Variants in CSMD1 observed in about 807,000 individuals in gnomAD.
CSMD1 encodes CUB and sushi domain-containing protein 1.
Under a neutral mutation model 417.5 loss-of-function variants are expected in CSMD1, and 213 were observed. The observed-to-expected ratio is 0.51, with a 90% CI of 0.46 to 0.57. The LOEUF (loss-of-function observed/expected upper bound fraction) is 0.57. CSMD1 is among the 20% of genes least tolerant of loss of function. CSMD1 has a pLI of 0.00. For missense variants in CSMD1, 6,923 were observed against 4,529.7 expected (o/e 1.53, Z -15.17); for synonymous variants, 2,862 against 1,736.8 (o/e 1.65, Z -16.11).
intron 2 of CSMD1, among the ~76,000 whole-genome samples, chr8:4,502,235 A>C (rs187464329): frequency 6.6e-6 from 1 of 152,298 alleles, no homozygotes; most frequent in African/African-American, 2.4e-5. Flanking sequence ...AGCAGAACGT[A>C]GAACTAGAAA....
chr8:3,742,770 A>C (rs771835369), intron 6 of CSMD1, among the ~76,000 whole-genome samples: 33 of 152,220 alleles, frequency 2.2e-4, no homozygotes, highest in Non-Finnish European at 3.5e-4. Context: ...GAAACGAAAC[A>C]AAAACACCAA....
chr8:3,637,787 G>T (rs1171531585), intron 7 of CSMD1, among the ~76,000 whole-genome samples: 2 of 152,136 alleles, frequency 1.3e-5, no homozygotes, highest in African/African-American at 2.4e-5. Flanking sequence ...CCCACATCTT[G>T]GGAGGGACCC....
rs767668610 is a variant in CSMD1 at position 3,817,252 on chromosome 8, C to CTT, written c.819-63212_819-63211dup. On this transcript the variant is annotated intron_variant, in intron 5 of 69. Coordinates refer to ENST00000635120, the MANE Select transcript of CSMD1 (RefSeq NM_033225.6). Reference sequence around the variant, plus strand: ...TCCAAAGTGGTCATATCTTCTTCTTCTTTTTTTTTTTTTTTTTTTTTTTTT... The same window carrying CTT: ...TCCAAAGTGGTCATATCTTCTTCTTCTTTTTTTTTTTTTTTTTTTTTTTTTTT... Among the ~76,000 whole-genome samples, 7 of 54,420 alleles carry CTT rather than the reference C, an allele frequency of 1.3e-4. 1 individual carries two copies. Among genetic ancestry groups the CTT allele is most frequent in the African/African-American group, 2.0e-4 (3 of 14,868 alleles). 35.7% of individuals were successfully genotyped at this position (54,420 alleles called of 152,430 possible).
chr8:4,469,468 C>A (rs1206146369), intron 2 of CSMD1, among the ~76,000 whole-genome samples: 2 of 152,178 alleles, frequency 1.3e-5, no homozygotes, highest in Non-Finnish European at 2.9e-5. Flanking sequence ...ATTTAGAGAA[C>A]CAATTCAGAT....
Position 3,928,536 on chromosome 8 carries a change from G to A in CSMD1, c.818+69367C>T, listed in dbSNP as rs534903942. Among the ~76,000 whole-genome samples the A allele has an allele frequency of 1.0e-4, 14 of 135,896 alleles. 1 individual carries two copies. Among genetic ancestry groups the A allele is most frequent in the Admixed American group, 7.1e-4 (10 of 14,174 alleles). The allele number at this position is 135,896 out of a possible 152,430, so 89.2% of individuals were successfully genotyped here. A position where few individuals can be genotyped will look rare whatever the true frequency, so the allele number is the denominator to read the frequency against. ...AGCTGCATTCACAGGTTTCACGGCC[G>A]TTTGTAGGCTTCGGTACTGTACTAA... On this transcript the variant is annotated intron_variant, in intron 5 of 69. Transcript: ENST00000635120.
intron 5 of CSMD1, among the ~76,000 whole-genome samples, chr8:3,940,647 G>C (rs1287298325): frequency 2.0e-5 from 3 of 151,676 alleles, no homozygotes; most frequent in East Asian, 3.9e-4. Context: ...TAACTTTCTT[G>C]TTTGGGTTTC....
intron 25 of CSMD1, among the ~76,000 whole-genome samples, chr8:3,302,801 C>G (rs1041448384): frequency 1.3e-5 from 2 of 152,172 alleles, no homozygotes; most frequent in Non-Finnish European, 2.9e-5. Context: ...TGTACCATGG[C>G]AGCTGAAATG....
At chr8:4,699,257 G>A (rs141617596) in intron 1 of CSMD1, among the ~76,000 whole-genome samples, 5 of 152,136 alleles carry the variant, frequency 3.3e-5, no homozygotes, top group African/African-American at 7.2e-5. Flanking sequence ...GAGTTTATTC[G>A]CAATTACACT....
chr8:4,483,863 T>C (rs745506854), intron 2 of CSMD1, among the ~76,000 whole-genome samples: 12 of 152,202 alleles, frequency 7.9e-5, no homozygotes, highest in Admixed American at 6.5e-5. Flanking sequence ...TGTTTCACAA[T>C]ACTTAGAGTA....
chr8:3,979,450 A>G (rs926988761), intron 5 of CSMD1, among the ~76,000 whole-genome samples: 19 of 152,308 alleles, frequency 1.2e-4, no homozygotes, highest in African/African-American at 4.6e-4. Flanking sequence ...ATGTGCATGC[A>G]ACTCACAGGA....
chr8:3,382,182 C>T (rs947447163), intron 18 of CSMD1, among the ~76,000 whole-genome samples: 15 of 151,902 alleles, frequency 9.9e-5, no homozygotes, highest in African/African-American at 3.6e-4. Context: ...TCGCTTGAAC[C>T]TGGGAGGCGG....
At chr8:4,013,845 G>C (rs1176608050) in intron 4 of CSMD1, among the ~76,000 whole-genome samples, 3 of 152,112 alleles carry the variant, frequency 2.0e-5, no homozygotes, top group African/African-American at 7.2e-5. Context: ...TTGATCTACA[G>C]TGACAGACAA....
chr8:3,449,896 T>C (rs1815577063), intron 12 of CSMD1, among the ~76,000 whole-genome samples: 1 of 152,204 alleles, frequency 6.6e-6, no homozygotes, highest in African/African-American at 2.4e-5. Flanking sequence ...ATTTCAGACA[T>C]TTAAACATTA....
chr8:4,018,457 C>G (rs1003365885), intron 4 of CSMD1, among the ~76,000 whole-genome samples: 1 of 152,148 alleles, frequency 6.6e-6, no homozygotes, highest in African/African-American at 2.4e-5. Context: ...TCTGTCAACA[C>G]AGCTGTACCT....
chr8:4,167,378 A>T, intron 3 of CSMD1, among the ~76,000 whole-genome samples: 1 of 152,244 alleles, frequency 6.6e-6, no homozygotes, highest in East Asian at 1.9e-4. Flanking sequence ...TTTAAATAAC[A>T]AACTATGTTA....
At chr8:3,998,584 T>G (rs1007969664) in intron 4 of CSMD1, among the ~76,000 whole-genome samples, 2 of 152,190 alleles carry the variant, frequency 1.3e-5, no homozygotes, top group South Asian at 4.1e-4. Flanking sequence ...TAATTTGGGT[T>G]TTGAATTTCA....
intron 3 of CSMD1, among the ~76,000 whole-genome samples, chr8:4,146,730 G>C (rs1319591470): frequency 1.4e-5 from 2 of 145,034 alleles, no homozygotes; most frequent in African/African-American, 5.3e-5. Flanking sequence ...TCCTGCCTCA[G>C]CCTCCAGAGG....
rs755499626 is a variant in CSMD1, at chr8:3,409,424, T to G, written c.1743A>C (p.Val581=). The stretch of plus-strand genomic sequence containing the variant: ...TCCAGGTCAAGGCATAATACTCACA[T>G]ACACAGCTGGGCTTGTTGCCAGACC... ...NQWSGNKPSC[V]FSCFFNFTAS... Residue 581 remains valine (V), a splice_region_variant and synonymous_variant, in exon 13 of 70, where the codon GTA becomes GTC. Transcript: ENST00000635120. The G allele has an allele frequency of 6.2e-7, 1 of 1,607,278 alleles. No homozygotes were observed. Among genetic ancestry groups the G allele is most frequent in the Non-Finnish European group, 8.5e-7 (1 of 1,176,830 alleles).
chr8:4,158,005 A>G (rs756939912), intron 3 of CSMD1, among the ~76,000 whole-genome samples: 1 of 151,972 alleles, frequency 6.6e-6, no homozygotes, highest in Non-Finnish European at 1.5e-5. Flanking sequence ...TTTCCTGCTC[A>G]ACTGCCCCCA....
Sources: gnomAD v4.1 joint callset for allele counts (sites outside exome capture counted in the v4.1 genomes callset) on GRCh38, gnomAD v4.1.1 for gene constraint, MANE v1.5 for transcripts, NCBI Gene and HGNC (gene_info 2026-07-23, HGNC 2026-07-21) for gene names.